Variants in PMS1 observed in about 807,000 individuals in gnomAD.
PMS1 encodes the protein PMS1 protein homolog 1.
In PMS1, 79 loss-of-function variants were observed where a neutral mutation model predicts 93.1. The observed-to-expected ratio is 0.85, with a 90% CI of 0.71 to 1.02. The LOEUF is 1.02. Ranked by LOEUF, PMS1 falls within the 50% of genes least tolerant of loss-of-function variation. PMS1 has a pLI of 0.00. For synonymous variants in PMS1, 335 were observed against 363.4 expected, an observed-to-expected ratio of 0.92 and a Z score of 0.89; for missense variants, 1,064 against 1,085.3, an observed-to-expected ratio of 0.98 and a Z score of 0.28.
chr2:189,848,678 C>T (rs2054445672), intron 6 of PMS1, among the ~76,000 whole-genome samples: 1 of 151,912 alleles, frequency 6.6e-6, no homozygotes, highest in African/African-American at 2.4e-5. Context: ...TGTTAATGTT[C>T]CAGTTCCATG....
At chr2:189,830,067 A>T (rs1211876072) in intron 5 of PMS1, among the ~76,000 whole-genome samples, 1 of 152,146 alleles carries the variant, frequency 6.6e-6, no homozygotes, top group Admixed American at 6.5e-5. Flanking sequence ...TGAATTCTCT[A>T]TTGGGGTCAG....
chr2:189,867,793 T>G lies in PMS1; in HGVS notation c.2343-6T>G. ...ATAAGTTAAAGGGCCATAATTTCTT[T>G]TTCAGTCTTTTTAATGGATCTCATT... On this transcript the variant is annotated splice_polypyrimidine_tract_variant and splice_region_variant and intron_variant, in intron 10 of 12. Coordinates refer to ENST00000441310, the MANE Select transcript of PMS1 (RefSeq NM_000534.5). 1 of 1,566,128 alleles carries G rather than the reference T, an allele frequency of 6.4e-7. No homozygotes were observed. The highest frequency in any genetic ancestry group is 1.1e-5 in the South Asian group (1 of 90,032).
chr2:189,852,110 A>C (rs1028469479), intron 6 of PMS1, among the ~76,000 whole-genome samples: 1 of 152,234 alleles, frequency 6.6e-6, no homozygotes, highest in African/African-American at 2.4e-5. Flanking sequence ...ATGAAGCTAA[A>C]GTACAACAGT....
At chr2:189,850,712 G>A (rs565448119) in intron 6 of PMS1, among the ~76,000 whole-genome samples, 1 of 152,198 alleles carries the variant, frequency 6.6e-6, no homozygotes, top group East Asian at 1.9e-4. Context: ...GCATTAGAGA[G>A]GAAGCAGAAA....
intron 5 of PMS1, among the ~76,000 whole-genome samples, chr2:189,819,785 T>C (rs2051667269): frequency 6.6e-6 from 1 of 152,144 alleles, no homozygotes; most frequent in Admixed American, 6.5e-5. Context: ...GGATGCAGAG[T>C]TTGCAAATAT....
At chr2:189,875,052 A>C (rs528967753) in intron 12 of PMS1, among the ~76,000 whole-genome samples, 1 of 152,066 alleles carries the variant, frequency 6.6e-6, no homozygotes, top group African/African-American at 2.4e-5. Flanking sequence ...AGAGAACTTA[A>C]ACCACGGGGA....
intron 3 of PMS1, among the ~76,000 whole-genome samples, chr2:189,804,154 C>A (rs1233302): frequency 0.43 from 64,962 of 151,996 alleles, 18,424 homozygotes; most frequent in African/African-American, 0.82. Flanking sequence ...CAGGGTTAGT[C>A]CTGGAACTCA....
At chr2:189,828,281 G>A (rs918632702) in intron 5 of PMS1, among the ~76,000 whole-genome samples, 2 of 152,166 alleles carry the variant, frequency 1.3e-5, no homozygotes, top group African/African-American at 4.8e-5. Context: ...GCAAATAACA[G>A]TGTATTGTGT....
At chr2:189,815,640 C>T (rs2051233330) in intron 4 of PMS1, among the ~76,000 whole-genome samples, 1 of 152,138 alleles carries the variant, frequency 6.6e-6, no homozygotes, top group Non-Finnish European at 1.5e-5. Flanking sequence ...GTCAATTAAA[C>T]CTCCTTTGTT....
intron 4 of PMS1, among the ~76,000 whole-genome samples, chr2:189,808,092 A>G (rs1283664770): frequency 6.6e-6 from 1 of 152,084 alleles, no homozygotes; most frequent in Non-Finnish European, 1.5e-5. Flanking sequence ...TTCCATTTAA[A>G]TATTTTCTGC....
chr2:189,851,316 CTT>C (rs377011509), intron 6 of PMS1, among the ~76,000 whole-genome samples: 1 of 152,054 alleles, frequency 6.6e-6, no homozygotes, highest in Non-Finnish European at 1.5e-5. Context: ...TCAGGGCAGA[CTT>C]TTTTTAAAGT....
chr2:189,794,129 T>G (rs2049132386), intron 2 of PMS1, among the ~76,000 whole-genome samples: 1 of 152,160 alleles, frequency 6.6e-6, no homozygotes, highest in African/African-American at 2.4e-5. Context: ...TATTTATTTA[T>G]TTTGAGACAG....
At chr2:189,823,617 A>G (rs2052157539) in intron 5 of PMS1, among the ~76,000 whole-genome samples, 1 of 152,214 alleles carries the variant, frequency 6.6e-6, no homozygotes, top group Non-Finnish European at 1.5e-5. Context: ...AAGGAGTTAT[A>G]TGTCTGCCGT....
At chr2:189,853,572 G>A (rs964869113) in intron 7 of PMS1, among the ~76,000 whole-genome samples, 11 of 149,830 alleles carry the variant, frequency 7.3e-5, no homozygotes, top group African/African-American at 2.7e-4. Context: ...CTGGAATGCA[G>A]TAGCATGATT....
intron 9 of PMS1, among the ~76,000 whole-genome samples, chr2:189,861,158 G>C (rs942240304): frequency 2.0e-5 from 3 of 151,686 alleles, no homozygotes; most frequent in African/African-American, 7.3e-5. Context: ...GGGGAGAGGA[G>C]CCCTTTAGGG....
chr2:189,862,564 G>T (rs79400901), intron 9 of PMS1, among the ~76,000 whole-genome samples: 1 of 152,164 alleles, frequency 6.6e-6, no homozygotes, highest in South Asian at 2.1e-4. Context: ...CATTGTGGGT[G>T]ATATGTTTAA....
At chr2:189,841,286 A>C (rs1341707568) in intron 5 of PMS1, among the ~76,000 whole-genome samples, 1 of 152,252 alleles carries the variant, frequency 6.6e-6, no homozygotes, top group Admixed American at 6.5e-5. Context: ...CCTAACAAAG[A>C]ATAAGGTTTT....
chr2:189,854,150 G>A (rs2055075726), intron 8 of PMS1, 68 bp downstream of exon 8: 2 of 1,376,702 alleles, frequency 1.5e-6, no homozygotes, highest in East Asian at 2.5e-5. Context: ...CATATAAAAA[G>A]ATTTGTTTAT....
At chr2:189,871,184 T>C (rs1163033336) in intron 11 of PMS1, among the ~76,000 whole-genome samples, 1 of 152,198 alleles carries the variant, frequency 6.6e-6, no homozygotes, top group East Asian at 1.9e-4. Flanking sequence ...GGGTCATCAC[T>C]CTTAAGTTCA....
Sources: allele counts gnomAD v4.1 joint callset (sites outside exome capture counted in the v4.1 genomes callset), GRCh38; gene constraint gnomAD v4.1.1; transcripts MANE v1.5; gene names NCBI Gene and HGNC (gene_info 2026-07-23, HGNC 2026-07-21).